The following BANK1 variants were observed in gnomAD, a reference collection of about 807,000 sequenced individuals.
BANK1 encodes B-cell scaffold protein with ankyrin repeats.
Under a neutral mutation model 94.5 loss-of-function variants are expected in BANK1, and 95 were observed. The ratio of observed to expected loss-of-function variants is 1.00; its 90% CI spans 0.85 to 1.19. The LOEUF (loss-of-function observed/expected upper bound fraction) is 1.19. BANK1 is among the 50% of genes most tolerant of loss of function. BANK1 has a pLI of 0.00. For missense variants in BANK1, 987 were observed against 932.2 expected, an observed-to-expected ratio of 1.06 and a Z score of -0.77; for synonymous variants, 334 against 308.4, an observed-to-expected ratio of 1.08 and a Z score of -0.87.
intron 1 of BANK1, among the ~76,000 whole-genome samples, chr4:101,802,092 TG>T: frequency 6.6e-6 from 1 of 152,342 alleles, no homozygotes; most frequent in East Asian, 1.9e-4. Context: ...CTTAGGTCTG[TG>T]GGCATAGGCC....
At chr4:101,791,332 G>A (rs1368522915) in intron 1 of BANK1, among the ~76,000 whole-genome samples, 3 of 152,182 alleles carry the variant, frequency 2.0e-5, no homozygotes, top group Non-Finnish European at 4.4e-5. Flanking sequence ...TCAACAGTCG[G>A]TAAGCACAGA....
At chr4:102,006,988 G>A (rs1726281070) in intron 7 of BANK1, among the ~76,000 whole-genome samples, 1 of 142,562 alleles carries the variant, frequency 7.0e-6, no homozygotes, top group Admixed American at 7.3e-5. Context: ...AAAAAAGAAA[G>A]GAAGCATTGA....
intron 7 of BANK1, among the ~76,000 whole-genome samples, chr4:101,937,142 A>G (rs1723593175): frequency 6.6e-6 from 1 of 151,754 alleles, no homozygotes; most frequent in Admixed American, 6.6e-5. Context: ...CAGTCCTGTC[A>G]TTTGCAACAC....
chr4:101,975,689 AATT>A (rs1228295815), intron 7 of BANK1, among the ~76,000 whole-genome samples: 1 of 152,142 alleles, frequency 6.6e-6, no homozygotes, highest in African/African-American at 2.4e-5. Flanking sequence ...TGTTAGCTGG[AATT>A]ATTATCATTT....
At chr4:101,923,502 AC>A (rs1184643707) in intron 7 of BANK1, among the ~76,000 whole-genome samples, 1 of 151,686 alleles carries the variant, frequency 6.6e-6, no homozygotes, top group Admixed American at 6.6e-5. Context: ...GCTTTCTTTG[AC>A]CCTGCCCTCT....
At chr4:101,836,238 T>G (rs531561272) in intron 2 of BANK1, among the ~76,000 whole-genome samples, 1 of 152,288 alleles carries the variant, frequency 6.6e-6, no homozygotes, top group African/African-American at 2.4e-5. Context: ...CCAAGCACTT[T>G]GGGAGGCTGA....
At chr4:101,918,782 A>G (rs1408924810) in intron 7 of BANK1, among the ~76,000 whole-genome samples, 1 of 151,954 alleles carries the variant, frequency 6.6e-6, no homozygotes, top group African/African-American at 2.4e-5. Flanking sequence ...GGAAGAGTTG[A>G]TATAGAATAT....
chr4:101,952,733 C>T (rs1442287769), intron 7 of BANK1, among the ~76,000 whole-genome samples: 1 of 152,054 alleles, frequency 6.6e-6, no homozygotes, highest in Admixed American at 6.6e-5. Context: ...GTATGCTGGG[C>T]ATATTAGCAA....
chr4:102,022,603 T>A (rs1030684160), intron 8 of BANK1, among the ~76,000 whole-genome samples: 1 of 152,182 alleles, frequency 6.6e-6, no homozygotes, highest in Non-Finnish European at 1.5e-5. Context: ...GGATTGCTAC[T>A]GGTATTTATT....
intron 7 of BANK1, among the ~76,000 whole-genome samples, chr4:101,947,073 G>A (rs1186313247): frequency 6.6e-6 from 1 of 151,478 alleles, no homozygotes; most frequent in African/African-American, 2.4e-5. Context: ...ACAGATTTGA[G>A]ATACCATACT....
At chr4:101,803,997 C>CAAAAAAAAAAAATAAA (rs1725454694) in intron 1 of BANK1, among the ~76,000 whole-genome samples, 1 of 68,408 alleles carries the variant, frequency 1.5e-5, no homozygotes, top group Non-Finnish European at 2.4e-5. Context: ...GACTCCGTCT[C>CAAAAAAAAAAAATAAA]AAAAAAAAAA....
At chr4:102,072,946 A>T (rs1484617129) in intron 15 of BANK1, among the ~76,000 whole-genome samples, 1 of 152,094 alleles carries the variant, frequency 6.6e-6, no homozygotes, top group East Asian at 1.9e-4. Context: ...TTTCTTCATA[A>T]AAATAATGTT....
intron 1 of BANK1, among the ~76,000 whole-genome samples, chr4:101,822,717 G>C (rs1726216476): frequency 1.3e-5 from 2 of 151,326 alleles, no homozygotes; most frequent in South Asian, 4.2e-4. Context: ...CCAAGTTCAT[G>C]TCATTCTCCT....
chr4:101,817,399 G>T (rs1014997029), intron 1 of BANK1, among the ~76,000 whole-genome samples: 1 of 152,110 alleles, frequency 6.6e-6, no homozygotes, highest in South Asian at 2.1e-4. Flanking sequence ...GGTGCTGAAG[G>T]CCATCATCCT....
intron 7 of BANK1, among the ~76,000 whole-genome samples, chr4:101,974,388 G>A (rs1725055335): frequency 6.6e-6 from 1 of 152,136 alleles, no homozygotes; most frequent in African/African-American, 2.4e-5. Flanking sequence ...TGGATAAAAA[G>A]CAGAGAGAGG....
At chr4:101,890,964 T>A (rs1198507751) in intron 5 of BANK1, among the ~76,000 whole-genome samples, 1 of 152,046 alleles carries the variant, frequency 6.6e-6, no homozygotes, top group Non-Finnish European at 1.5e-5. Context: ...TATAAATGTC[T>A]TAGATATTTT....
At chr4:101,827,638 GT>G (rs942151076) in intron 1 of BANK1, among the ~76,000 whole-genome samples, 4 of 151,686 alleles carry the variant, frequency 2.6e-5, no homozygotes, top group Admixed American at 1.3e-4. Context: ...TTTTTCCAAA[GT>G]TTTTTTAATT....
At chr4:101,965,574 A>T (rs1724724439) in intron 7 of BANK1, among the ~76,000 whole-genome samples, 1 of 152,106 alleles carries the variant, frequency 6.6e-6, no homozygotes, top group South Asian at 2.1e-4. Flanking sequence ...ACACTGAAAA[A>T]ACTAGGCATA....
chr4:102,018,378 A>G (rs544592708), intron 7 of BANK1, among the ~76,000 whole-genome samples: 4 of 152,324 alleles, frequency 2.6e-5, no homozygotes, highest in African/African-American at 9.6e-5. Context: ...CACTGTGGAA[A>G]GTTGTGCAAG....
Sources: allele counts gnomAD v4.1 joint callset (sites outside exome capture counted in the v4.1 genomes callset), GRCh38; gene constraint gnomAD v4.1.1; transcripts MANE v1.5; gene names NCBI Gene and HGNC (gene_info 2026-07-23, HGNC 2026-07-21).